Variants in ZNF157 observed in about 807,000 individuals in gnomAD.
ZNF157 encodes the protein zinc finger protein 157.
In ZNF157, 8 loss-of-function variants were observed where a neutral mutation model predicts 9.4. The observed-to-expected ratio is 0.85, with a 90% CI of 0.50 to 1.53. The LOEUF (loss-of-function observed/expected upper bound fraction) is 1.53. Among genes scored for constraint, ZNF157 ranks in the 40% most tolerant of loss-of-function variants. ZNF157 has a pLI of 0.00. For synonymous variants in ZNF157, 120 were observed against 130.8 expected (o/e 0.92, Z 0.56); for missense variants, 316 against 385.2 (o/e 0.82, Z 1.50).
intron 1 of ZNF157, among the ~76,000 whole-genome samples, chrX:47,396,580 T>C (rs1271080559): frequency 2.7e-5 from 3 of 111,525 alleles, no homozygotes; most frequent in Non-Finnish European, 5.6e-5. Context: ...TCGTAATTTA[T>C]GCAGCTGGTC....
At chrX:47,403,049 T>A (rs1316945779) in intron 1 of ZNF157, among the ~76,000 whole-genome samples, 3 of 105,932 alleles carry the variant, frequency 2.8e-5, no homozygotes, top group Non-Finnish European at 5.8e-5. Context: ...TCACCTGAAA[T>A]CAGGAGTTCG....
At chrX:47,375,894 C>T (rs142837397) in intron 1 of ZNF157, among the ~76,000 whole-genome samples, 1 of 111,190 alleles carries the variant, frequency 9.0e-6, no homozygotes, top group African/African-American at 3.3e-5. Flanking sequence ...ACGGTTTTAC[C>T]ATGTTGCCCA....
intron 1 of ZNF157, among the ~76,000 whole-genome samples, chrX:47,384,800 T>C (rs1472951404): frequency 2.7e-5 from 3 of 112,495 alleles, no homozygotes; most frequent in African/African-American, 9.7e-5. Context: ...TTGAAGGACA[T>C]AAAATAATTT....
chrX:47,404,433 G>A (rs1239759612), intron 1 of ZNF157, among the ~76,000 whole-genome samples: 1 of 110,295 alleles, frequency 9.1e-6, no homozygotes, highest in Non-Finnish European at 1.9e-5. Flanking sequence ...CCAAAATGCT[G>A]GGATTACAGG....
intron 1 of ZNF157, among the ~76,000 whole-genome samples, chrX:47,388,339 C>A (rs1164656504): frequency 9.1e-6 from 1 of 109,772 alleles, no homozygotes; most frequent in African/African-American, 3.3e-5. Flanking sequence ...CCGCCTCAGC[C>A]TCCCAAAGTG....
intron 1 of ZNF157, among the ~76,000 whole-genome samples, chrX:47,407,305 T>C (rs1269920538): frequency 8.9e-6 from 1 of 112,405 alleles, no homozygotes; most frequent in Non-Finnish European, 1.9e-5. Flanking sequence ...AATTTTCTTT[T>C]CTTGTCATGT....
At chrX:47,382,722 T>C (rs7050878) in intron 1 of ZNF157, among the ~76,000 whole-genome samples, 38,697 of 107,647 alleles carry the variant, frequency 0.36, 5,555 homozygotes, top group African/African-American at 0.49. Context: ...ACCCTAAGTA[T>C]AGGACTGTGT....
chrX:47,378,200 T>C (rs754542286), intron 1 of ZNF157, among the ~76,000 whole-genome samples: 25 of 110,837 alleles, frequency 2.3e-4, no homozygotes, highest in East Asian at 1.4e-3. Flanking sequence ...GATCAAATCA[T>C]AGGAGTTGAA....
intron 1 of ZNF157, among the ~76,000 whole-genome samples, chrX:47,393,451 C>T (rs752089533): frequency 9.8e-5 from 11 of 111,982 alleles, no homozygotes; most frequent in Non-Finnish European, 1.9e-4. Flanking sequence ...AGAAGAAGGC[C>T]GTCCACAGAG....
chrX:47,406,230 C>T (rs1240048461), intron 1 of ZNF157, among the ~76,000 whole-genome samples: 1 of 110,078 alleles, frequency 9.1e-6, no homozygotes, highest in African/African-American at 3.3e-5. Flanking sequence ...ACATTTGGCT[C>T]CCTTTTTCCT....
intron 1 of ZNF157, among the ~76,000 whole-genome samples, chrX:47,393,293 G>A (rs1402580380): frequency 8.9e-6 from 1 of 112,094 alleles, no homozygotes; most frequent in Non-Finnish European, 1.9e-5. Context: ...AGTTCGATCA[G>A]CCCATTTCCT....
chrX:47,392,956 A>G (rs928245190), intron 1 of ZNF157, among the ~76,000 whole-genome samples: 1 of 110,936 alleles, frequency 9.0e-6, no homozygotes, highest in Non-Finnish European at 1.9e-5. Context: ...GGAGTTCGAG[A>G]CCAGCCTGGC....
At chrX:47,374,998 CTTTTTTTTTTTTTTTTTT>C (rs769541152) in intron 1 of ZNF157, among the ~76,000 whole-genome samples, 3 of 24,991 alleles carry the variant, frequency 1.2e-4, no homozygotes, top group East Asian at 1.8e-3. Flanking sequence ...GGCTGACAAT[CTTTTTTTTTTTTTTTTTT>C]TTTTTTTTTT....
At position 47,412,832 on chromosome X, in the gene ZNF157, A is replaced by G; in HGVS notation, c.759A>G (p.Lys253=). 8.3e-7 allele frequency: 1 copy of G among 1,211,883 alleles called. No homozygotes were observed. The highest frequency in any genetic ancestry group is 1.1e-6 in the Non-Finnish European group (1 of 895,491). Residue 253 remains lysine (K), a synonymous_variant, in exon 4 of 4, where the codon AAA becomes AAG. Coordinates refer to ENST00000377073, the MANE Select transcript of ZNF157 (RefSeq NM_003446.4). ...CCTATGAATGTACTGAATGTGGGAA[A>G]ACCTTTTCTGAGAAGGCAACCCTCA... ...ERPYECTECG[K]TFSEKATLTI...
chrX:47,389,388 T>C (rs1007907381), intron 1 of ZNF157, among the ~76,000 whole-genome samples: 15 of 106,839 alleles, frequency 1.4e-4, no homozygotes, highest in Non-Finnish European at 2.3e-4. Context: ...CTTGCTCTGC[T>C]GGTCAGGCTC....
intron 1 of ZNF157, among the ~76,000 whole-genome samples, chrX:47,395,390 G>C (rs2055910327): frequency 9.0e-6 from 1 of 111,371 alleles, no homozygotes. Context: ...TACCTTCACA[G>C]CAACACCTAG....
chrX:47,404,318 C>T (rs1055151486), intron 1 of ZNF157, among the ~76,000 whole-genome samples: 6 of 108,602 alleles, frequency 5.5e-5, no homozygotes, highest in Non-Finnish European at 9.6e-5. Flanking sequence ...GCGCGCACCA[C>T]CATGCCCTGC....
rs141114076 is a variant in ZNF157, at chrX:47,378,325, C to A, written c.72+7585C>A. ...ATTAAGTGCAGAGTCTGCAAAATAT[C>A]TCAAGCACTAATCTTAGGTTTTACA... is the stretch of plus-strand genomic sequence containing the variant. On this transcript the variant is annotated intron_variant, in intron 1 of 3. Coordinates refer to ENST00000377073, the MANE Select transcript of ZNF157 (RefSeq NM_003446.4). 2.9e-3 allele frequency among the ~76,000 whole-genome samples: 321 copies of A among 111,538 alleles called. 1 individual carries two copies. The highest frequency in any genetic ancestry group is 4.1e-3 in the South Asian group (11 of 2,666).
At chrX:47,398,734 T>C (rs151144835) in intron 1 of ZNF157, among the ~76,000 whole-genome samples, 2,687 of 110,039 alleles carry the variant, frequency 0.024, 80 homozygotes, top group African/African-American at 0.084. Context: ...CAGGCTGGAA[T>C]GCAATGGTGC....
Sources: allele counts gnomAD v4.1 joint callset (sites outside exome capture counted in the v4.1 genomes callset), GRCh38; gene constraint gnomAD v4.1.1; transcripts MANE v1.5; gene names NCBI Gene and HGNC (gene_info 2026-07-23, HGNC 2026-07-21).